The following IFNGR2 variants were observed in gnomAD, a reference collection of about 807,000 sequenced individuals.
IFNGR2 encodes the protein interferon gamma receptor 2, also known as IFN-gamma receptor 2.
A neutral mutation model predicts 41.1 loss-of-function variants in IFNGR2; 15 were observed. The ratio of observed to expected loss-of-function variants is 0.37; its 90% confidence interval spans 0.24 to 0.56. The LOEUF (loss-of-function observed/expected upper bound fraction) is 0.56, where lower values mean the gene tolerates loss of function less well. Ranked by LOEUF, IFNGR2 falls within the 20% of genes least tolerant of loss-of-function variation. IFNGR2 has a pLI of 0.81. For missense variants in IFNGR2, 362 were observed against 415.7 expected (o/e 0.87, Z 1.12); for synonymous variants, 161 against 171.6 (o/e 0.94, Z 0.48).
At chr21:33,411,182 T>G (rs2083713104) in intron 1 of IFNGR2, among the ~76,000 whole-genome samples, 1 of 152,220 alleles carries the variant, frequency 6.6e-6, no homozygotes. Flanking sequence ...GGCAGAACAA[T>G]GTTGCTTGGG....
Position 33,426,875 on chromosome 21 carries a change from C to T in IFNGR2, c.413-9C>T. On this transcript the variant is annotated splice_polypyrimidine_tract_variant and intron_variant, in intron 3 of 6. Transcript: ENST00000290219. ...TGTGTGTGGTTTTCTCTTTGTAATT[C>T]TTTTTCAGTGACTGTCGGGCCTCCA... 1 of 1,611,260 alleles carries T rather than the reference C, an allele frequency of 6.2e-7. No homozygotes were observed. Among genetic ancestry groups the T allele is most frequent in the Non-Finnish European group, 8.5e-7 (1 of 1,178,794 alleles).
chr21:33,427,424 C>G (rs185459305), intron 4 of IFNGR2, among the ~76,000 whole-genome samples: 1 of 152,138 alleles, frequency 6.6e-6, no homozygotes, highest in Non-Finnish European at 1.5e-5. Context: ...AATGTTTGAA[C>G]AGTTTGTGAA....
intron 1 of IFNGR2, among the ~76,000 whole-genome samples, chr21:33,407,657 G>C (rs992783258): frequency 6.6e-6 from 1 of 152,146 alleles, no homozygotes; most frequent in African/African-American, 2.4e-5. Flanking sequence ...ATGCAGTGGC[G>C]CTATCTCGGC....
At chr21:33,403,967 G>A (rs2083659697) in intron 1 of IFNGR2, among the ~76,000 whole-genome samples, 1 of 152,184 alleles carries the variant, frequency 6.6e-6, no homozygotes, top group Admixed American at 6.5e-5. Context: ...CTCTCCGGGA[G>A]AGGACACTCG....
intron 6 of IFNGR2, among the ~76,000 whole-genome samples, chr21:33,436,313 C>T (rs1406043706): frequency 6.6e-6 from 1 of 150,578 alleles, no homozygotes; most frequent in Admixed American, 6.6e-5. Context: ...TGGGCAACAA[C>T]GTGAAACTCC....
chr21:33,410,896 AG>A, intron 1 of IFNGR2: 2 of 1,532,488 alleles, frequency 1.3e-6, no homozygotes, highest in Non-Finnish European at 1.8e-6. Context: ...ACTCATGGTA[AG>A]ACAAGAGTAT....
chr21:33,404,267 CAG>C (rs549101578), intron 1 of IFNGR2, among the ~76,000 whole-genome samples: 109 of 152,330 alleles, frequency 7.2e-4, no homozygotes, highest in African/African-American at 2.5e-3. Context: ...ACGGGTGACC[CAG>C]ACTCAATTCC....
At chr21:33,404,777 C>T (rs1260085791) in intron 1 of IFNGR2, among the ~76,000 whole-genome samples, 5 of 152,276 alleles carry the variant, frequency 3.3e-5, no homozygotes, top group South Asian at 2.1e-4. Flanking sequence ...GAGCTTCTTA[C>T]CTGGCGGCCT....
intron 3 of IFNGR2, among the ~76,000 whole-genome samples, chr21:33,425,486 A>G (rs754593436): frequency 3.3e-5 from 5 of 152,172 alleles, no homozygotes; most frequent in Admixed American, 2.0e-4. Context: ...CCACACTCCC[A>G]TGTGCTAATG....
intron 4 of IFNGR2, 123 bp downstream of exon 4, chr21:33,427,155 G>A (rs904083657): frequency 3.5e-6 from 3 of 867,956 alleles, no homozygotes; most frequent in Admixed American, 1.9e-5. Context: ...TCCCCATAGA[G>A]GCTGAGCCCT....
intron 4 of IFNGR2, among the ~76,000 whole-genome samples, chr21:33,428,058 C>T (rs2123360615): frequency 6.6e-6 from 1 of 151,866 alleles, no homozygotes; most frequent in South Asian, 2.1e-4. Flanking sequence ...AATCCGTTTG[C>T]AGAGAGAGAA....
chr21:33,403,455 A>T lies in IFNGR2; in HGVS notation c.-89A>T. 2.4e-6 allele frequency: 2 copies of T among 817,494 alleles called. No homozygotes were observed. The highest frequency in any genetic ancestry group is 3.1e-6 in the Non-Finnish European group (2 of 653,514). The allele number at this position is 817,494 out of a possible 1,614,324, so 50.6% of individuals were successfully genotyped here. On this transcript the variant is annotated 5_prime_UTR_variant, in exon 1 of 7. An upstream start codon of the reference 5' UTR is lost. Transcript: ENST00000290219. ...GGGCCCTGCGCGCCCTGCGCTCGCC[A>T]TGGCGGTTTGGGCGGCGACGTGAGC...
In IFNGR2 at chr21:33,431,295, C is replaced by T. The variant is rs547260305; in HGVS notation, c.562-882C>T. Among the ~76,000 whole-genome samples the T allele has an allele frequency of 1.8e-4, 27 of 152,284 alleles. No homozygotes were observed. In the South Asian group the frequency reaches 5.4e-3, roughly 30 times the overall value. On this transcript the variant is annotated intron_variant, in intron 4 of 6. Coordinates refer to ENST00000290219, the MANE Select transcript of IFNGR2 (RefSeq NM_005534.4). ...CGTGAGATACAAAATGTTGGCCAGG[C>T]GCGGTGGCTCACGCCTATAATCCCA...
intron 1 of IFNGR2, among the ~76,000 whole-genome samples, chr21:33,413,011 T>A (rs534865835): frequency 6.7e-6 from 1 of 149,076 alleles, no homozygotes; most frequent in South Asian, 2.1e-4. Context: ...CTGGCTTTGA[T>A]GTCTGGGCGT....
In IFNGR2 at chr21:33,436,844, C is replaced by A. The variant is rs774200880; in HGVS notation, c.896C>A (p.Thr299Asn). The A allele has an allele frequency of 2.5e-6, 4 of 1,614,052 alleles. No homozygotes were observed. The African/African-American group carries it at 5.3e-5, about 22-fold the overall frequency. The change falls in exon 7 of 7, where the codon ACT becomes AAT. Residue 299 changes from threonine to asparagine, a missense_variant. Thr to Asn is a moderately conservative substitution (Grantham distance 65, BLOSUM62 0). Transcript: ENST00000290219. ...LQIEEYLKDP[T>N]QPILEALDKD... ...CTCCTCAAGTATTTAAAAGACCCAACTCAGCCCATCTTAGAGGCCTTGGAC... is the reference window on the plus strand; with the variant it reads ...CTCCTCAAGTATTTAAAAGACCCAAATCAGCCCATCTTAGAGGCCTTGGAC...
At chr21:33,418,575 C>T (rs933183180) in intron 2 of IFNGR2, among the ~76,000 whole-genome samples, 4 of 152,084 alleles carry the variant, frequency 2.6e-5, no homozygotes, top group South Asian at 4.1e-4. Context: ...AAATTTCCAC[C>T]GTGTTTCTCT....
rs746457900 is a variant in IFNGR2, at chr21:33,421,475, C to G, written c.207-5C>G. The G allele has an allele frequency of 6.8e-6, 11 of 1,611,468 alleles. No homozygotes were observed. The Admixed American group carries it at 1.8e-4, about 27-fold the overall frequency. On this transcript the variant is annotated splice_polypyrimidine_tract_variant and splice_region_variant and intron_variant, in intron 2 of 6. Coordinates refer to ENST00000290219, the MANE Select transcript of IFNGR2 (RefSeq NM_005534.4). The stretch of plus-strand genomic sequence containing the variant: ...TGTGAATTGAAATCCTTTTTTCCTT[C>G]CCAGCACCGACAGTAAATGGTTCAC...
At chr21:33,425,216 A>C (rs2083825878) in intron 3 of IFNGR2, among the ~76,000 whole-genome samples, 1 of 152,134 alleles carries the variant, frequency 6.6e-6, no homozygotes, top group Non-Finnish European at 1.5e-5. Context: ...CACCATGCCC[A>C]TCCCGTGATA....
intron 1 of IFNGR2, among the ~76,000 whole-genome samples, chr21:33,412,807 A>G (rs2083726488): frequency 6.6e-6 from 1 of 152,194 alleles, no homozygotes; most frequent in African/African-American, 2.4e-5. Flanking sequence ...CCACCACCTC[A>G]GCGTCCCAAA....
Sources: gnomAD v4.1 joint callset for allele counts (sites outside exome capture counted in the v4.1 genomes callset) on GRCh38, gnomAD v4.1.1 for gene constraint, MANE v1.5 for transcripts, NCBI Gene and HGNC (gene_info 2026-07-23, HGNC 2026-07-21) for gene names.